Variants in OSBPL3 observed in about 807,000 individuals in gnomAD.
OSBPL3 encodes oxysterol binding protein like 3.
A neutral mutation model predicts 120.1 loss-of-function variants in OSBPL3; 65 were observed. The ratio of observed to expected loss-of-function variants is 0.54; its 90% CI spans 0.44 to 0.67. The LOEUF is 0.67. OSBPL3 is among the 30% of genes least tolerant of loss of function. The probability of loss-of-function intolerance (pLI) is 0.00; values close to 1 mark genes in which losing one functional copy is unlikely to be tolerated. For synonymous variants in OSBPL3, 416 were observed against 402.6 expected (o/e 1.03, Z -0.40); for missense variants, 1,004 against 1,082.1 (o/e 0.93, Z 1.01).
At chr7:24,975,926 G>T (rs527327364) in intron 1 of OSBPL3, among the ~76,000 whole-genome samples, 15 of 152,298 alleles carry the variant, frequency 9.8e-5, no homozygotes, top group African/African-American at 3.4e-4. Context: ...AGGAGTGCAT[G>T]GACAAAGGCA....
rs566562735 is a variant in OSBPL3 at position 24,881,038 on chromosome 7, C to G, written c.97-8969G>C. On this transcript the variant is annotated intron_variant, in intron 2 of 22. Coordinates refer to ENST00000313367, the MANE Select transcript of OSBPL3 (RefSeq NM_015550.4). This position sits in a 1 kb window ranked among gnomAD's most constrained non-coding sequence, Gnocchi z 4.3. ...CAACTACAGGGCATTCATGACTCTT[C>G]AAGGAGACCCACTGCTTTGCTGGAC... Among the ~76,000 whole-genome samples the G allele has an allele frequency of 6.6e-6, 1 of 152,214 alleles. No individual in the cohort carries two copies. Among genetic ancestry groups the G allele is most frequent in the Non-Finnish European group, 1.5e-5 (1 of 68,036 alleles).
rs767181357 is a variant in OSBPL3 at position 24,863,250 on chromosome 7, T to C, written c.820A>G (p.Arg274Gly). The C allele has an allele frequency of 5.6e-6, 9 of 1,614,206 alleles. No homozygotes were observed. The highest frequency in any genetic ancestry group is 7.6e-6 in the Non-Finnish European group (9 of 1,180,008). The change falls in exon 9 of 23, where the codon AGG becomes GGG. Residue 274 changes from arginine (R) to glycine (G), a missense_variant. Coordinates refer to ENST00000313367, the MANE Select transcript of OSBPL3 (RefSeq NM_015550.4). The surrounding 1 kb of genome is among the most constrained non-coding windows in gnomAD (Gnocchi z 5.8). ...ESPKKEKRSHRRWRSRAIGKD... is the reference protein window; with the variant it reads ...ESPKKEKRSHGRWRSRAIGKD... The stretch of plus-strand genomic sequence containing the variant: ...CCAATAGCTCTGGACCGCCACCTCC[T>C]GTGCGATCTTTTTTCCTTTTTGGGA...
At position 24,942,308 on chromosome 7, in the gene OSBPL3, G is replaced by T. The variant is rs575933588; in HGVS notation, c.-150+37578C>A. ...TTTTATACAACTAATATAATGAAAC[G>T]GTAGTTCTAAATACAGCTAAGGGCC... is the stretch of plus-strand genomic sequence containing the variant. On this transcript the variant is annotated intron_variant, in intron 1 of 22. Coordinates refer to ENST00000313367, the MANE Select transcript of OSBPL3 (RefSeq NM_015550.4). 5.1e-4 allele frequency among the ~76,000 whole-genome samples: 77 copies of T among 152,220 alleles called. 1 individual carries two copies. Among genetic ancestry groups the T allele is most frequent in the South Asian group, 2.1e-3 (10 of 4,820 alleles).
intron 5 of OSBPL3, among the ~76,000 whole-genome samples, chr7:24,870,475 G>T (rs1801946358): frequency 6.6e-6 from 1 of 152,138 alleles, no homozygotes; most frequent in African/African-American, 2.4e-5. Flanking sequence ...ATTTTTCATT[G>T]TTGACTGTTG....
In OSBPL3 at chr7:24,802,057, T is replaced by C. The variant is rs907215422; in HGVS notation, c.2568-1778A>G. ...TTTGTGATTCTGACTGATATTACCA[T>C]ATGGTTTAGAAGCAAAAGTGGAGTG... On this transcript the variant is annotated intron_variant, in intron 22 of 22. Coordinates refer to ENST00000313367, the MANE Select transcript of OSBPL3 (RefSeq NM_015550.4). This position sits in a 1 kb window ranked among gnomAD's most constrained non-coding sequence, Gnocchi z 4.1. 6.6e-6 allele frequency among the ~76,000 whole-genome samples: 1 copy of C among 152,232 alleles called. No homozygotes were observed. The highest frequency in any genetic ancestry group is 1.5e-5 in the Non-Finnish European group (1 of 68,042).
chr7:24,887,584 TATGA>T (rs1300585529), intron 2 of OSBPL3, among the ~76,000 whole-genome samples: 1 of 152,224 alleles, frequency 6.6e-6, no homozygotes, highest in African/African-American at 2.4e-5. Context: ...TCCTCCATTT[TATGA>T]ATGGAGAACT....
At chr7:24,888,353 A>G (rs916509027) in intron 2 of OSBPL3, among the ~76,000 whole-genome samples, 1 of 152,190 alleles carries the variant, frequency 6.6e-6, no homozygotes, top group Admixed American at 6.5e-5. Context: ...TATTATTCCA[A>G]TTTTATTGAT....
chr7:24,895,518 C>T (rs1376314808), intron 1 of OSBPL3, among the ~76,000 whole-genome samples: 1 of 152,142 alleles, frequency 6.6e-6, no homozygotes, highest in Non-Finnish European at 1.5e-5. Flanking sequence ...TCTTAAGCGA[C>T]GCATGACTAC....
In OSBPL3 at chr7:24,922,063, C is replaced by T. The variant is rs573766822; in HGVS notation, c.-149-29442G>A. Among the ~76,000 whole-genome samples the T allele has an allele frequency of 6.6e-6, 1 of 152,346 alleles. No homozygotes were observed. The highest frequency in any genetic ancestry group is 2.1e-4 in the South Asian group (1 of 4,826). Reference sequence around the variant, plus strand: ...GCCACCTCAAAAACGCTTGTGGAATCTCTATACTTCTAACATTGTTAGTAT... The same window carrying T: ...GCCACCTCAAAAACGCTTGTGGAATTTCTATACTTCTAACATTGTTAGTAT... On this transcript the variant is annotated intron_variant, in intron 1 of 22. Transcript: ENST00000313367. The surrounding 1 kb of genome is among the most constrained non-coding windows in gnomAD (Gnocchi z 4.3).
chr7:24,860,228 C>CT (rs1800337903), intron 10 of OSBPL3, among the ~76,000 whole-genome samples: 1 of 152,182 alleles, frequency 6.6e-6, no homozygotes, highest in Admixed American at 6.5e-5. Context: ...TGTGCTACCC[C>CT]TTTATAATCA....
chr7:24,803,599 C>T lies in OSBPL3; in HGVS notation c.2567+716G>A, dbSNP rs556809022. 2.4e-4 allele frequency among the ~76,000 whole-genome samples: 37 copies of T among 152,078 alleles called. No homozygotes were observed. Among genetic ancestry groups the T allele is most frequent in the Middle Eastern group, 3.4e-3 (1 of 290 alleles). ...CATCCTGGCCAACAAGGTGAAACCC[C>T]GTCTCTACTAAAAATACAAAAATTA... On this transcript the variant is annotated intron_variant, in intron 22 of 22. Transcript: ENST00000313367. The surrounding 1 kb of genome is among the most constrained non-coding windows in gnomAD (Gnocchi z 4.2).
chr7:24,838,266 C>A (rs549403641), intron 14 of OSBPL3, among the ~76,000 whole-genome samples: 13 of 152,220 alleles, frequency 8.5e-5, no homozygotes, highest in African/African-American at 3.1e-4. Context: ...GAGGCTGAGG[C>A]GGGCAGATTA....
At position 24,898,352 on chromosome 7, in the gene OSBPL3, G is replaced by C. The variant is rs1210473291; in HGVS notation, c.-149-5731C>G. 6.6e-6 allele frequency among the ~76,000 whole-genome samples: 1 copy of C among 152,192 alleles called. No individual in the cohort carries two copies. The highest frequency in any genetic ancestry group is 1.5e-5 in the Non-Finnish European group (1 of 68,026). On this transcript the variant is annotated intron_variant, in intron 1 of 22. Coordinates refer to ENST00000313367, the MANE Select transcript of OSBPL3 (RefSeq NM_015550.4). This position sits in a 1 kb window ranked among gnomAD's most constrained non-coding sequence, Gnocchi z 4.3. ...CACCCATACCTGACTGTTTCTGGGAGAGGAGTACTAAGTTTCTGGGAGATG... is the reference window on the plus strand; with the variant it reads ...CACCCATACCTGACTGTTTCTGGGACAGGAGTACTAAGTTTCTGGGAGATG...
intron 1 of OSBPL3, among the ~76,000 whole-genome samples, chr7:24,925,121 C>T (rs1421432479): frequency 2.0e-5 from 3 of 152,174 alleles, no homozygotes; most frequent in Non-Finnish European, 4.4e-5. Flanking sequence ...GTTTTAAACA[C>T]CATGTATGTT....
Position 24,799,916 on chromosome 7 carries a change from A to G in OSBPL3, c.*267T>C, listed in dbSNP as rs962290347. The G allele has an allele frequency of 2.2e-5, 4 of 178,764 alleles. No individual in the cohort carries two copies. The highest frequency in any genetic ancestry group is 9.4e-5 in the African/African-American group (4 of 42,406). The allele number at this position is 178,764 out of a possible 1,614,324, so 11.1% of individuals were successfully genotyped here. Reference sequence around the variant, plus strand: ...TAAAGCTTCTTTTTTTAACCCACACATGAACATTCAATCTTTCATTTTTAT... The same window carrying G: ...TAAAGCTTCTTTTTTTAACCCACACGTGAACATTCAATCTTTCATTTTTAT... On this transcript the variant is annotated 3_prime_UTR_variant, in exon 23 of 23. Coordinates refer to ENST00000313367, the MANE Select transcript of OSBPL3 (RefSeq NM_015550.4). The surrounding 1 kb of genome is among the most constrained non-coding windows in gnomAD (Gnocchi z 5.3).
Position 24,891,133 on chromosome 7 carries a change from C to T in OSBPL3, c.96+1244G>A, listed in dbSNP as rs149306318. ...TCCTGTGGAAAGCTGACAAAGAGGA[C>T]AAGCACAGTGACCCTCATGAAAACA... On this transcript the variant is annotated intron_variant, in intron 2 of 22. Transcript: ENST00000313367. The surrounding 1 kb of genome is among the most constrained non-coding windows in gnomAD (Gnocchi z 4.1). 2.6e-5 allele frequency among the ~76,000 whole-genome samples: 4 copies of T among 152,210 alleles called. No individual in the cohort carries two copies. Among genetic ancestry groups the T allele is most frequent in the Admixed American group, 6.5e-5 (1 of 15,288 alleles).
Position 24,891,379 on chromosome 7 carries a change from C to T in OSBPL3, c.96+998G>A, listed in dbSNP as rs968811815. Among the ~76,000 whole-genome samples the T allele has an allele frequency of 2.0e-5, 3 of 152,170 alleles. No homozygotes were observed. The highest frequency in any genetic ancestry group is 4.4e-5 in the Non-Finnish European group (3 of 68,036). On this transcript the variant is annotated intron_variant, in intron 2 of 22. Coordinates refer to ENST00000313367, the MANE Select transcript of OSBPL3 (RefSeq NM_015550.4). This position sits in a 1 kb window ranked among gnomAD's most constrained non-coding sequence, Gnocchi z 4.1. ...TGGCAAAGCTCCTTATCCCAGGCAA[C>T]GCTCAGTTGGACAGACCCCTGATGA...
rs1011938125 is a variant in OSBPL3, at chr7:24,804,875, T to C, written c.2445-438A>G. Among the ~76,000 whole-genome samples the C allele has an allele frequency of 1.3e-5, 2 of 152,076 alleles. No homozygotes were observed. Among genetic ancestry groups the C allele is most frequent in the Non-Finnish European group, 2.9e-5 (2 of 68,032 alleles). On this transcript the variant is annotated intron_variant, in intron 21 of 22. Transcript: ENST00000313367. This position sits in a 1 kb window ranked among gnomAD's most constrained non-coding sequence, Gnocchi z 5.4. ...TCCCTTGATTTTTGGTTTTGGTTTA[T>C]TTTTTATTTAACAATATATCTTACA...
rs1382617062 is a variant in OSBPL3 at position 24,854,817 on chromosome 7, T to C, written c.1028-2183A>G. ...TTGTAAATGGGGATAATAATAACTT[T>C]TACTTTAAATGGTTGTCATGAGGAT... On this transcript the variant is annotated intron_variant, in intron 10 of 22. Transcript: ENST00000313367. The surrounding 1 kb of genome is among the most constrained non-coding windows in gnomAD (Gnocchi z 4.1). Among the ~76,000 whole-genome samples the C allele has an allele frequency of 6.6e-6, 1 of 152,206 alleles. No individual in the cohort carries two copies. The highest frequency in any genetic ancestry group is 1.9e-4 in the East Asian group (1 of 5,206).
Sources: gnomAD v4.1 joint callset for allele counts (sites outside exome capture counted in the v4.1 genomes callset) on GRCh38, gnomAD v4.1.1 for gene constraint, Gnocchi (gnomAD v3.1) non-coding constraint, MANE v1.5 for transcripts, NCBI Gene and HGNC (gene_info 2026-07-23, HGNC 2026-07-21) for gene names.